Variants in PIK3C2A observed in about 807,000 individuals in gnomAD.
The protein encoded by PIK3C2A is phosphatidylinositol-4-phosphate 3-kinase catalytic subunit type 2 alpha.
Under a neutral mutation model 204.5 loss-of-function variants are expected in PIK3C2A, and 97 were observed. That is an observed-to-expected ratio of 0.47 (90% CI 0.40 to 0.56). The LOEUF (loss-of-function observed/expected upper bound fraction) is 0.56, where lower values mean the gene tolerates loss of function less well. Among genes scored for constraint, PIK3C2A ranks in the 20% least tolerant of loss-of-function variants. PIK3C2A has a pLI of 0.00. For missense variants in PIK3C2A, 1,735 were observed against 1,969.2 expected, an observed-to-expected ratio of 0.88 and a Z score of 2.25; for synonymous variants, 653 against 664.4, an observed-to-expected ratio of 0.98 and a Z score of 0.26.
intron 1 of PIK3C2A, among the ~76,000 whole-genome samples, chr11:17,184,672 T>C (rs1320390752): frequency 6.6e-6 from 1 of 152,188 alleles, no homozygotes; most frequent in Non-Finnish European, 1.5e-5. Flanking sequence ...TGGTGTCTCA[T>C]GCTTATAATC....
chr11:17,203,215 G>A (rs1300712104), intron 1 of PIK3C2A, among the ~76,000 whole-genome samples: 1 of 151,968 alleles, frequency 6.6e-6, no homozygotes, highest in Non-Finnish European at 1.5e-5. Flanking sequence ...ACTGCAGGCC[G>A]AGTGCAGTGG....
intron 2 of PIK3C2A, among the ~76,000 whole-genome samples, chr11:17,167,919 T>G (rs762303252): frequency 2.0e-5 from 3 of 152,118 alleles, no homozygotes; most frequent in Non-Finnish European, 4.4e-5. Flanking sequence ...CTCTTCTCTC[T>G]GGGGTTATTT....
intron 2 of PIK3C2A, among the ~76,000 whole-genome samples, chr11:17,162,851 T>C (rs993530453): frequency 2.1e-4 from 32 of 152,224 alleles, no homozygotes; most frequent in African/African-American, 7.7e-4. Flanking sequence ...GCAACCATCA[T>C]GAAATGTCTC....
In PIK3C2A at chr11:17,137,933, T is replaced by A. The variant is rs578187492; in HGVS notation, c.1705-1308A>T. 7.4e-5 allele frequency: 32 copies of A among 430,646 alleles called. 1 individual carries two copies. The highest frequency in any genetic ancestry group is 2.6e-4 in the Admixed American group (8 of 31,116). The allele number at this position is 430,646 out of a possible 1,614,324, so 26.7% of individuals were successfully genotyped here. On this transcript the variant is annotated intron_variant, in intron 8 of 32. Coordinates refer to ENST00000691414, the MANE Select transcript of PIK3C2A (RefSeq NM_002645.4). The stretch of plus-strand genomic sequence containing the variant: ...CTGGGTTCCTGCCTTCTAATTTTTT[T>A]AAAAAGTCTTTTAATTTTTATTACT...
At chr11:17,144,725 T>C (rs1850172170) in intron 8 of PIK3C2A, among the ~76,000 whole-genome samples, 1 of 151,714 alleles carries the variant, frequency 6.6e-6, no homozygotes, top group Non-Finnish European at 1.5e-5. Context: ...TGAAACCCCA[T>C]CTCTACTAAA....
intron 25 of PIK3C2A, 52 bp downstream of exon 25, chr11:17,101,226 A>C: frequency 2.9e-6 from 3 of 1,027,608 alleles, no homozygotes; most frequent in Non-Finnish European, 4.1e-6. Context: ...TAAGTATTGA[A>C]ACATAGATGC....
intron 1 of PIK3C2A, among the ~76,000 whole-genome samples, chr11:17,178,572 C>T (rs1294718544): frequency 2.0e-5 from 3 of 151,770 alleles, no homozygotes; most frequent in African/African-American, 7.3e-5. Flanking sequence ...TTATTATCTA[C>T]TTTTTTTTGA....
At chr11:17,150,703 T>C (rs1850398984) in intron 3 of PIK3C2A, 48 bp from the exon 4 acceptor site, 1 of 1,409,174 alleles carries the variant, frequency 7.1e-7, no homozygotes, top group East Asian at 2.4e-5. Flanking sequence ...AAAAACTTCA[T>C]TTGAGGGCTC....
chr11:17,152,174 T>C (rs1487420955), intron 3 of PIK3C2A, among the ~76,000 whole-genome samples: 1 of 152,212 alleles, frequency 6.6e-6, no homozygotes, highest in Non-Finnish European at 1.5e-5. Context: ...ATTATGTCAC[T>C]GAACCGTACA....
chr11:17,141,795 G>A (rs756599402), intron 8 of PIK3C2A, among the ~76,000 whole-genome samples: 1 of 152,202 alleles, frequency 6.6e-6, no homozygotes, highest in Non-Finnish European at 1.5e-5. Context: ...AGAAACTACT[G>A]CAGTTGACTA....
chr11:17,194,256 T>C (rs765874472), intron 1 of PIK3C2A: 4 of 330,934 alleles, frequency 1.2e-5, no homozygotes, highest in Non-Finnish European at 2.3e-5. Flanking sequence ...CCAGCTTCAG[T>C]TCCAGCTCAG....
At chr11:17,156,545 G>A (rs577218694) in intron 2 of PIK3C2A, among the ~76,000 whole-genome samples, 6 of 152,096 alleles carry the variant, frequency 3.9e-5, no homozygotes, top group Non-Finnish European at 7.4e-5. Flanking sequence ...ACCCCACCTG[G>A]CTAATTTTTG....
intron 2 of PIK3C2A, among the ~76,000 whole-genome samples, chr11:17,162,199 T>C (rs907562437): frequency 3.9e-5 from 6 of 151,922 alleles, no homozygotes; most frequent in African/African-American, 1.4e-4. Context: ...TTGCCGGGTG[T>C]GGTGGCAGGT....
intron 27 of PIK3C2A, among the ~76,000 whole-genome samples, chr11:17,095,776 G>A (rs1168760764): frequency 2.6e-5 from 4 of 151,494 alleles, no homozygotes; most frequent in East Asian, 3.9e-4. Flanking sequence ...TTAGCCGGGT[G>A]TGCTGGCGCA....
At chr11:17,177,901 T>A (rs1368170715) in intron 1 of PIK3C2A, among the ~76,000 whole-genome samples, 4 of 152,024 alleles carry the variant, frequency 2.6e-5, no homozygotes, top group African/African-American at 9.7e-5. Flanking sequence ...GAGACCAGCC[T>A]GGCCAGTATG....
chr11:17,169,672 T>C lies in PIK3C2A; in HGVS notation c.70A>G (p.Lys24Glu). 4 of 1,612,248 alleles carry C rather than the reference T, an allele frequency of 2.5e-6. No individual in the cohort carries two copies. In the South Asian group the frequency reaches 3.3e-5, roughly 13 times the overall value. ...PSSHPEPTRA[K>E]DVDKEEALQM... ...AATGCTTCTTCTTTGTCCACATCTT[T>C]TGCTCTTGTTGGTTCCGGATGTGAA... Residue 24 changes from lysine to glutamate, a missense_variant, in exon 2 of 33, where the codon AAA becomes GAA. This residue lies in a region of PIK3C2A where 536 missense variants were observed against 546.7 expected (regional missense o/e 0.98). Coordinates refer to ENST00000691414, the MANE Select transcript of PIK3C2A (RefSeq NM_002645.4).
intron 27 of PIK3C2A, among the ~76,000 whole-genome samples, chr11:17,095,324 C>T (rs1448588720): frequency 2.6e-5 from 4 of 151,270 alleles, no homozygotes. Context: ...GCCTGTAATC[C>T]CAGCACTTTG....
Position 17,093,348 on chromosome 11 carries a change from G to A in PIK3C2A, c.4451+913C>T, listed in dbSNP as rs544729914. Among the ~76,000 whole-genome samples the A allele has an allele frequency of 2.0e-3, 299 of 152,156 alleles. 1 individual carries two copies. The highest frequency in any genetic ancestry group is 3.2e-3 in the Non-Finnish European group (219 of 67,978). The stretch of plus-strand genomic sequence containing the variant: ...GTGGTGCCATCTCAGCTCACTGCAA[G>A]CTCCACCTTCTGGGTTCACGCCATT... On this transcript the variant is annotated intron_variant, in intron 28 of 32. Transcript: ENST00000691414.
At position 17,094,400 on chromosome 11, in the gene PIK3C2A, C is replaced by T. The variant is rs1248008863; in HGVS notation, c.4327-15G>A. On this transcript the variant is annotated splice_polypyrimidine_tract_variant and intron_variant, in intron 27 of 32. Coordinates refer to ENST00000691414, the MANE Select transcript of PIK3C2A (RefSeq NM_002645.4). The stretch of plus-strand genomic sequence containing the variant: ...ACTACATAAATCTGAAAAGAAATCA[C>T]ACCACAAACACATAAAATTTATATT... 12 of 1,596,158 alleles carry T rather than the reference C, an allele frequency of 7.5e-6. No individual in the cohort carries two copies. Among genetic ancestry groups the T allele is most frequent in the East Asian group, 2.2e-5 (1 of 44,738 alleles).
Sources: allele counts gnomAD v4.1 joint callset (sites outside exome capture counted in the v4.1 genomes callset), GRCh38; gene constraint gnomAD v4.1.1; regional missense constraint gnomAD v4.1.1; transcripts MANE v1.5; gene names NCBI Gene and HGNC (gene_info 2026-07-23, HGNC 2026-07-21).